Variants in AMER3 observed in about 807,000 individuals in gnomAD.
AMER3 encodes the protein family with sequence similarity 123C.
For synonymous variants in AMER3, 541 were observed against 485.5 expected (o/e 1.11, Z -1.50); for missense variants, 1,201 against 1,139.4 (o/e 1.05, Z -0.78).
chr2:130,762,648 C>A lies in AMER3; in HGVS notation c.576C>A (p.Asp192Glu). The A allele has an allele frequency of 6.2e-7, 1 of 1,611,088 alleles. No individual in the cohort carries two copies. The highest frequency in any genetic ancestry group is 8.5e-7 in the Non-Finnish European group (1 of 1,179,648). ...TGCCCTCCCCAGGGGACCCGTCAGA[C>A]CCTGGGGGGCGGCGAAGCAAAGCCT... ...KSLPSPGDPS[D>E]PGGRRSKAFL... Residue 192 changes from aspartate (D) to glutamate (E), a missense_variant, in exon 2 of 2, where the codon GAC becomes GAA. Transcript: ENST00000321420.
rs1313928788 is a variant in AMER3 at position 130,765,095 on chromosome 2, A to G, written c.*437A>G. On this transcript the variant is annotated 3_prime_UTR_variant, in exon 2 of 2. Coordinates refer to ENST00000321420, the MANE Select transcript of AMER3 (RefSeq NM_152698.3). Reference sequence around the variant, plus strand: ...CTATACTCTAAAATCCGAAAATCACAATCCCAAAAGATCTAAATCCTGGAA... The same window carrying G: ...CTATACTCTAAAATCCGAAAATCACGATCCCAAAAGATCTAAATCCTGGAA... The G allele has an allele frequency of 5.9e-6, 1 of 169,638 alleles. No individual in the cohort carries two copies. Among genetic ancestry groups the G allele is most frequent in the East Asian group, 1.9e-4 (1 of 5,256 alleles). 10.5% of individuals were successfully genotyped at this position (169,638 alleles called of 1,614,324 possible).
In AMER3 at chr2:130,762,599, C is replaced by G. The variant is rs139544644; in HGVS notation, c.527C>G (p.Ser176Trp). 2.5e-6 allele frequency: 4 copies of G among 1,612,892 alleles called. No individual in the cohort carries two copies. The Admixed American group carries it at 6.7e-5, about 27-fold the overall frequency. Residue 176 changes from serine to tryptophan, a missense_variant, in exon 2 of 2, where the codon TCG becomes TGG. Physicochemically the swap from Ser to Trp is radical, Grantham distance 177. Transcript: ENST00000321420. The part of the protein sequence containing the change: ...IRRNKTEDLA[S>W]LAAEGKSLPS... ...AGAAACAAGACTGAGGACTTGGCCTCGCTGGCGGCCGAGGGGAAAAGCCTG... is the reference window on the plus strand; with the variant it reads ...AGAAACAAGACTGAGGACTTGGCCTGGCTGGCGGCCGAGGGGAAAAGCCTG...
At chr2:130,757,995 A>G (rs533863990) in intron 1 of AMER3, among the ~76,000 whole-genome samples, 2 of 152,236 alleles carry the variant, frequency 1.3e-5, no homozygotes, top group East Asian at 3.9e-4. Context: ...TTAGCCGGGC[A>G]TGGTGGCGGG....
intron 1 of AMER3, 52 bp from the exon 2 acceptor site, chr2:130,762,002 G>T: frequency 6.6e-7 from 1 of 1,519,606 alleles, no homozygotes; most frequent in Non-Finnish European, 8.9e-7. Flanking sequence ...GTCTTCCAGA[G>T]CCCAGGGCCC....
rs200196137 is a variant in AMER3 at position 130,763,277 on chromosome 2, C to A, written c.1205C>A (p.Ala402Asp). The change falls in exon 2 of 2, where the codon GCT becomes GAT. Residue 402 changes from alanine (A) to aspartate (D), a missense_variant. Transcript: ENST00000321420. ...SPGLEEDKKE[A>D]ESPGTPAATF... ...GGACTTGAGGAGGACAAGAAGGAAG[C>A]TGAGAGCCCAGGCACTCCTGCCGCC... 1.5e-5 allele frequency: 25 copies of A among 1,613,820 alleles called. No individual in the cohort carries two copies. In the Admixed American group the frequency reaches 3.5e-4, roughly 23 times the overall value.
At position 130,763,938 on chromosome 2, in the gene AMER3, G is replaced by C; in HGVS notation, c.1866G>C (p.Ser622=). 6.2e-7 allele frequency: 1 copy of C among 1,613,764 alleles called. No homozygotes were observed. Among genetic ancestry groups the C allele is most frequent in the Non-Finnish European group, 8.5e-7 (1 of 1,180,012 alleles). ...LFSSMESAAT[S]TTDTSGKNKA... ...CCTCTATGGAGTCTGCAGCCACTTC[G>C]ACAACAGATACTTCCGGTAAAAATA... The change falls in exon 2 of 2, where the codon TCG becomes TCC. Residue 622 remains serine, a synonymous_variant. Transcript: ENST00000321420.
Position 130,763,057 on chromosome 2 carries a change from C to T in AMER3, c.985C>T (p.Leu329Phe). 1.2e-6 allele frequency: 2 copies of T among 1,613,012 alleles called. No homozygotes were observed. Among genetic ancestry groups the T allele is most frequent in the South Asian group, 2.2e-5 (2 of 91,044 alleles). The change falls in exon 2 of 2, where the codon CTT becomes TTT. Residue 329 changes from leucine to phenylalanine, a missense_variant. Transcript: ENST00000321420. ...QQQRALLGPW[L>F]SGPQGTDRDQ... ...GCAGCGTGCCCTCCTAGGCCCGTGG[C>T]TTTCAGGCCCCCAGGGGACAGACAG...
At chr2:130,758,608 G>C (rs919400938) in intron 1 of AMER3, among the ~76,000 whole-genome samples, 4 of 152,196 alleles carry the variant, frequency 2.6e-5, no homozygotes, top group Admixed American at 2.0e-4. Flanking sequence ...ATAGCTCACC[G>C]CCTACTATAG....
Position 130,764,794 on chromosome 2 carries a change from A to C in AMER3, c.*136A>C. 8.9e-7 allele frequency: 1 copy of C among 1,123,148 alleles called. No individual in the cohort carries two copies. The highest frequency in any genetic ancestry group is 1.2e-6 in the Non-Finnish European group (1 of 802,134). The allele number at this position is 1,123,148 out of a possible 1,614,324, so 69.6% of individuals were successfully genotyped here. On this transcript the variant is annotated 3_prime_UTR_variant, in exon 2 of 2. Transcript: ENST00000321420. ...GGGGGGTGGCAGGACTCAGGCATGC[A>C]GAGGGTAGCATGTTCATGTGGAGGC... is the stretch of plus-strand genomic sequence containing the variant.
intron 1 of AMER3, among the ~76,000 whole-genome samples, chr2:130,758,003 G>A (rs113326104): frequency 0.015 from 2,297 of 152,222 alleles, 62 homozygotes; most frequent in African/African-American, 0.052. Flanking sequence ...GCATGGTGGC[G>A]GGTGCCTGTA....
At position 130,764,625 on chromosome 2, in the gene AMER3, C is replaced by A; in HGVS notation, c.2553C>A (p.Ala851=). The stretch of plus-strand genomic sequence containing the variant: ...TCTGTGGCCAGCCAGAAGTGGGGGC[C>A]TCTGGGCCAGCCATGGCTGAGCCCC... ...GLLCGQPEVG[A]SGPAMAEPHL The change falls in exon 2 of 2, where the codon GCC becomes GCA. Residue 851 remains alanine (A), a synonymous_variant. Coordinates refer to ENST00000321420, the MANE Select transcript of AMER3 (RefSeq NM_152698.3). 3 of 1,608,168 alleles carry A rather than the reference C, an allele frequency of 1.9e-6. No homozygotes were observed. Among genetic ancestry groups the A allele is most frequent in the Non-Finnish European group, 2.5e-6 (3 of 1,178,692 alleles).
chr2:130,755,562 T>G lies in AMER3; in HGVS notation c.-132T>G, dbSNP rs1320771855. 2 of 150,140 alleles carry G rather than the reference T, an allele frequency of 1.3e-5. No individual in the cohort carries two copies. The highest frequency in any genetic ancestry group is 4.9e-5 in the African/African-American group (2 of 40,714). The allele number at this position is 150,140 out of a possible 1,614,324, so 9.3% of individuals were successfully genotyped here. On this transcript the variant is annotated 5_prime_UTR_variant, in exon 1 of 2. Transcript: ENST00000321420. The stretch of plus-strand genomic sequence containing the variant: ...CTTAATCCACCCCAGCCCCAGGCAC[T>G]GAACCACGCGTGCAGACCCCTCGTC...
chr2:130,762,684 G>T lies in AMER3; in HGVS notation c.612G>T (p.Pro204=). 6.2e-7 allele frequency: 1 copy of T among 1,611,262 alleles called. No homozygotes were observed. Among genetic ancestry groups the T allele is most frequent in the Non-Finnish European group, 8.5e-7 (1 of 1,179,802 alleles). ...GGRRSKAFLP[P]GEGPGLDGLC... is the part of the protein sequence containing the mutation. The stretch of plus-strand genomic sequence containing the variant: ...GGCGAAGCAAAGCCTTCCTCCCCCC[G>T]GGTGAGGGGCCGGGGCTGGACGGCC... The change falls in exon 2 of 2, where the codon CCG becomes CCT. Residue 204 remains proline (P), a synonymous_variant. Transcript: ENST00000321420.
At position 130,763,803 on chromosome 2, in the gene AMER3, G is replaced by A. The variant is rs1338093318; in HGVS notation, c.1731G>A (p.Leu577=). ...GGGCACACCCGGGCACCACAGGCCTGCTCGCCGGAGAGAGCAAGGCCCTCG... is the reference window on the plus strand; with the variant it reads ...GGGCACACCCGGGCACCACAGGCCTACTCGCCGGAGAGAGCAAGGCCCTCG... ...ELWAHPGTTG[L]LAGESKALGG... Residue 577 remains leucine, a synonymous_variant, in exon 2 of 2, where the codon CTG becomes CTA. Coordinates refer to ENST00000321420, the MANE Select transcript of AMER3 (RefSeq NM_152698.3). 6.2e-7 allele frequency: 1 copy of A among 1,611,608 alleles called. No homozygotes were observed. Among genetic ancestry groups the A allele is most frequent in the Admixed American group, 1.7e-5 (1 of 59,894 alleles).
chr2:130,763,074 G>T lies in AMER3; in HGVS notation c.1002G>T (p.Gly334=). 1 of 1,613,404 alleles carries T rather than the reference G, an allele frequency of 6.2e-7. No individual in the cohort carries two copies. Among genetic ancestry groups the T allele is most frequent in the Non-Finnish European group, 8.5e-7 (1 of 1,180,004 alleles). Residue 334 remains glycine (G), a synonymous_variant, in exon 2 of 2, where the codon GGG becomes GGT. Transcript: ENST00000321420. The part of the protein sequence containing the change: ...LLGPWLSGPQ[G]TDRDQSRLDT... ...GCCCGTGGCTTTCAGGCCCCCAGGG[G>T]ACAGACAGGGACCAATCCCGGCTGG...
rs1309580710 is a variant in AMER3, at chr2:130,766,993, TAAC to T, written c.*2338_*2340del. 2 of 167,058 alleles carry T rather than the reference TAAC, an allele frequency of 1.2e-5. No homozygotes were observed. The highest frequency in any genetic ancestry group is 2.9e-5 in the Non-Finnish European group (2 of 68,142). The allele number at this position is 167,058 out of a possible 1,614,324, so 10.3% of individuals were successfully genotyped here. A position where few individuals can be genotyped will look rare whatever the true frequency, so the allele number is the denominator to read the frequency against. ...GATTCTCCTCGGCTCTGCCTGCAAG[TAAC>T]AAAGGCTTTTGACTCCACTCCCTCC... On this transcript the variant is annotated 3_prime_UTR_variant, in exon 2 of 2. Coordinates refer to ENST00000321420, the MANE Select transcript of AMER3 (RefSeq NM_152698.3).
chr2:130,764,274 A>G lies in AMER3; in HGVS notation c.2202A>G (p.Leu734=), dbSNP rs954160463. The change falls in exon 2 of 2, where the codon CTA becomes CTG. Residue 734 remains leucine (L), a synonymous_variant. Transcript: ENST00000321420. The part of the protein sequence containing the change: ...SSPSMTTIHG[L]PYSASTQDQR... The stretch of plus-strand genomic sequence containing the variant: ...CCAGCATGACCACCATCCATGGCCT[A>G]CCCTACTCAGCCAGCACACAGGACC... 2 of 1,609,498 alleles carry G rather than the reference A, an allele frequency of 1.2e-6. No individual in the cohort carries two copies. Among genetic ancestry groups the G allele is most frequent in the Non-Finnish European group, 1.7e-6 (2 of 1,177,702 alleles).
At position 130,760,357 on chromosome 2, in the gene AMER3, G is replaced by A. The variant is rs570814882; in HGVS notation, c.-19-1697G>A. 9.0e-4 allele frequency among the ~76,000 whole-genome samples: 137 copies of A among 152,290 alleles called. 1 individual carries two copies. The highest frequency in any genetic ancestry group is 2.8e-3 in the African/African-American group (116 of 41,570). On this transcript the variant is annotated intron_variant, in intron 1 of 1. Transcript: ENST00000321420. ...CCCTTCCCATTTTCTTGGCCTCAAC[G>A]TGCCCACTGGGCTATGAGGCAGTCC...
chr2:130,767,547 C>T lies in AMER3; in HGVS notation c.*2889C>T, dbSNP rs568858769. The T allele has an allele frequency of 6.5e-4, 108 of 167,034 alleles. No individual in the cohort carries two copies. The highest frequency in any genetic ancestry group is 2.5e-3 in the African/African-American group (102 of 41,554). The allele number at this position is 167,034 out of a possible 1,614,324, so 10.3% of individuals were successfully genotyped here. Reference sequence around the variant, plus strand: ...GGTGGCCCTCTCTCACCAGGGCTCCCTGAGGCCTGCTGCAAGCAGGACACA... The same window carrying T: ...GGTGGCCCTCTCTCACCAGGGCTCCTTGAGGCCTGCTGCAAGCAGGACACA... On this transcript the variant is annotated 3_prime_UTR_variant, in exon 2 of 2. Coordinates refer to ENST00000321420, the MANE Select transcript of AMER3 (RefSeq NM_152698.3).
Sources: allele counts gnomAD v4.1 joint callset (sites outside exome capture counted in the v4.1 genomes callset), GRCh38; gene constraint gnomAD v4.1.1; transcripts MANE v1.5; gene names NCBI Gene and HGNC (gene_info 2026-07-23, HGNC 2026-07-21).